Variants in SASH1 observed in about 807,000 individuals in gnomAD.
The protein encoded by SASH1 is SAM and SH3 domain containing 1, also known as SAM and SH3 domain-containing protein 1.
Under a neutral mutation model 125.2 loss-of-function variants are expected in SASH1, and 44 were observed. The observed-to-expected ratio is 0.35, with a 90% CI of 0.28 to 0.45. The LOEUF is 0.45. Ranked by LOEUF, SASH1 falls within the 20% of genes least tolerant of loss-of-function variation. The pLI, the probability that SASH1 is intolerant of heterozygous loss-of-function variation, is 1.00. For synonymous variants in SASH1, 639 were observed against 649.1 expected, an observed-to-expected ratio of 0.98 and a Z score of 0.24; for missense variants, 1,426 against 1,614.5, an observed-to-expected ratio of 0.88 and a Z score of 2.00.
At position 148,433,430 on chromosome 6, in the gene SASH1, G is replaced by A. The variant is rs188621601; in HGVS notation, c.286-6754G>A. On this transcript the variant is annotated intron_variant, in intron 2 of 19. Transcript: ENST00000367467. The stretch of plus-strand genomic sequence containing the variant: ...TCTTTTTTTTTTTTTTTTTTGAGAC[G>A]GAGTCTCTCTTTGTCGCCCAGGGTG... Among the ~76,000 whole-genome samples, 1,159 of 136,972 alleles carry A rather than the reference G, an allele frequency of 8.5e-3. 8 individuals carry two copies. Among genetic ancestry groups the A allele is most frequent in the Non-Finnish European group, 0.013 (855 of 65,622 alleles). 89.9% of individuals were successfully genotyped at this position (136,972 alleles called of 152,430 possible).
intron 4 of SASH1, among the ~76,000 whole-genome samples, chr6:148,454,702 G>A (rs1019395047): frequency 6.6e-6 from 1 of 152,194 alleles, no homozygotes; most frequent in African/African-American, 2.4e-5. Context: ...CACTGTCAGC[G>A]TGAGGAGGTG....
chr6:148,284,520 C>A lies in SASH1; in HGVS notation n.74+12143C>A, dbSNP rs924254880. On this transcript the variant is annotated intron_variant and non_coding_transcript_variant, in intron 1 of 3. Transcript: ENST00000367469. ...AAACAAAATAACCATAATTGCATAA[C>A]CTAACCTAGAGGTACCCATTGCTTT... 4.6e-5 allele frequency among the ~76,000 whole-genome samples: 7 copies of A among 152,220 alleles called. No homozygotes were observed. The East Asian group carries it at 1.2e-3, about 25-fold the overall frequency.
chr6:148,489,823 C>T (rs1473336845), intron 8 of SASH1, among the ~76,000 whole-genome samples: 4 of 148,792 alleles, frequency 2.7e-5, no homozygotes, highest in Non-Finnish European at 4.4e-5. Context: ...TATCCTGTCA[C>T]TTTGCTGAAT....
At chr6:148,441,440 C>T (rs1776543354) in intron 4 of SASH1, among the ~76,000 whole-genome samples, 1 of 152,198 alleles carries the variant, frequency 6.6e-6, no homozygotes, top group African/African-American at 2.4e-5. Context: ...ACCAAGGCCA[C>T]TGCCCACTCA....
chr6:148,253,315 A>G, the SASH1 span, among the ~76,000 whole-genome samples: 1 of 152,226 alleles, frequency 6.6e-6, no homozygotes, highest in African/African-American at 2.4e-5. Context: ...AAACAATTCA[A>G]CTGGGAAATG....
Position 148,468,567 on chromosome 6 carries a change from TC to T in SASH1, c.410del (p.Ser137Ter), listed in dbSNP as rs1562436555. ...ERKNPLHKSN[S>X]EDSSVGKGDW... ...TAGGAACCCTCTTCATAAATCAAAC[TC>T]AGAAGACAGCTCTGTAGGTCAGTAC... On this transcript the variant is annotated frameshift_variant, in exon 5 of 20. Coordinates refer to ENST00000367467, the MANE Select transcript of SASH1 (RefSeq NM_015278.5). LOFTEE classifies it high-confidence loss of function. 1 of 1,609,234 alleles carries T rather than the reference TC, an allele frequency of 6.2e-7. No homozygotes were observed. Among genetic ancestry groups the T allele is most frequent in the Non-Finnish European group, 8.5e-7 (1 of 1,176,174 alleles).
the SASH1 span, among the ~76,000 whole-genome samples, chr6:148,197,393 G>C: frequency 6.6e-6 from 1 of 152,204 alleles, no homozygotes; most frequent in Non-Finnish European, 1.5e-5. Context: ...CAGGATAAGA[G>C]AGAAGTCTAA....
chr6:148,480,164 C>A (rs1218415906), intron 7 of SASH1: 2 of 152,048 alleles, frequency 1.3e-5, no homozygotes, highest in Non-Finnish European at 1.5e-5. Flanking sequence ...AACCCCGTCT[C>A]TAATAAAAAT....
At chr6:148,351,590 A>C (rs180893224) in intron 1 of SASH1, among the ~76,000 whole-genome samples, 96 of 150,526 alleles carry the variant, frequency 6.4e-4, no homozygotes, top group Non-Finnish European at 1.2e-3. Flanking sequence ...TTAAGTAAAG[A>C]GCCATTGAGG....
At chr6:148,346,560 T>C (rs1781528127) in intron 1 of SASH1, among the ~76,000 whole-genome samples, 1 of 151,974 alleles carries the variant, frequency 6.6e-6, no homozygotes, top group Admixed American at 6.6e-5. Flanking sequence ...TTTTTCTATC[T>C]CCAGTGCTCC....
At chr6:148,421,213 GAA>G (rs72197515) in intron 2 of SASH1, among the ~76,000 whole-genome samples, 123 of 130,596 alleles carry the variant, frequency 9.4e-4, no homozygotes, top group East Asian at 4.1e-3. Flanking sequence ...AAGAAAGAAA[GAA>G]AAAGAAAGAA....
the SASH1 span, among the ~76,000 whole-genome samples, chr6:148,263,226 C>G: frequency 2.6e-5 from 4 of 152,188 alleles, no homozygotes; most frequent in Non-Finnish European, 5.9e-5. Context: ...CCCGAAGAAG[C>G]AGAAGGTGGC....
At position 148,482,688 on chromosome 6, in the gene SASH1, AT is replaced by A. The variant is rs200708826; in HGVS notation, c.628-4908del. Among the ~76,000 whole-genome samples the A allele has an allele frequency of 1.6e-3, 160 of 99,910 alleles. 1 individual carries two copies. Among genetic ancestry groups the A allele is most frequent in the Admixed American group, 5.2e-3 (47 of 8,966 alleles). The allele number at this position is 99,910 out of a possible 152,430, so 65.5% of individuals were successfully genotyped here. ...AGGCATGTGCCACCACACCTGGCTA[AT>A]TTTTTTTTTTTTTTTTTGAGAGAGA... is the stretch of plus-strand genomic sequence containing the variant. On this transcript the variant is annotated intron_variant, in intron 7 of 19. Transcript: ENST00000367467.
chr6:148,459,983 A>C (rs544213146), intron 4 of SASH1, among the ~76,000 whole-genome samples: 24 of 152,282 alleles, frequency 1.6e-4, no homozygotes, highest in Admixed American at 4.6e-4. Context: ...CTTCCTGGGT[A>C]GTGGCCTTAT....
Position 148,533,024 on chromosome 6 carries a change from C to T in SASH1, c.1734+58C>T. On this transcript the variant is annotated intron_variant, in intron 14 of 19. Transcript: ENST00000367467. The surrounding 1 kb of genome is among the most constrained non-coding windows in gnomAD (Gnocchi z 6.2). The stretch of plus-strand genomic sequence containing the variant: ...TGGGCTCTTCCATTTCTCTAGGAGG[C>T]TTTCTTTCCTCCTCACTGTTGAATG... The T allele has an allele frequency of 1.9e-6, 3 of 1,553,230 alleles. No individual in the cohort carries two copies. The highest frequency in any genetic ancestry group is 2.7e-6 in the Non-Finnish European group (3 of 1,128,172).
chr6:148,445,521 C>T (rs1007347385), intron 4 of SASH1, among the ~76,000 whole-genome samples: 2 of 152,190 alleles, frequency 1.3e-5, no homozygotes, highest in East Asian at 3.8e-4. Context: ...CGCAGAAAAC[C>T]TGACAAATAG....
chr6:148,423,577 C>A (rs1775667686), intron 2 of SASH1, among the ~76,000 whole-genome samples: 1 of 152,190 alleles, frequency 6.6e-6, no homozygotes, highest in Non-Finnish European at 1.5e-5. Context: ...TTTTGTAAAT[C>A]CCTTATTCAG....
At chr6:148,326,331 T>TATATATATATGC (rs1780801589) in intron 1 of SASH1, among the ~76,000 whole-genome samples, 1 of 62,786 alleles carries the variant, frequency 1.6e-5, no homozygotes, top group African/African-American at 6.9e-5. Context: ...TGCATATATA[T>TATATATATATGC]ATATATATAT....
At chr6:148,243,324 C>A in the SASH1 span, among the ~76,000 whole-genome samples, 2 of 152,104 alleles carry the variant, frequency 1.3e-5, no homozygotes, top group African/African-American at 4.8e-5. Context: ...GTGGCTCATG[C>A]CTGTAATCCC....
Sources: allele counts gnomAD v4.1 joint callset (sites outside exome capture counted in the v4.1 genomes callset), GRCh38; gene constraint gnomAD v4.1.1; non-coding constraint Gnocchi (gnomAD v3.1); transcripts MANE v1.5; gene names NCBI Gene and HGNC (gene_info 2026-07-23, HGNC 2026-07-21).